Variants in SPOPL observed in about 807,000 individuals in gnomAD.
SPOPL encodes speckle-type POZ protein-like.
A neutral mutation model predicts 53.8 loss-of-function variants in SPOPL; 23 were observed. The ratio of observed to expected loss-of-function variants is 0.43; its 90% CI spans 0.31 to 0.61. The LOEUF (loss-of-function observed/expected upper bound fraction) is 0.61. Ranked by LOEUF, SPOPL falls within the 20% of genes least tolerant of loss-of-function variation. The probability of loss-of-function intolerance (pLI) is 0.12; values close to 1 mark genes in which losing one functional copy is unlikely to be tolerated. For synonymous variants in SPOPL, 164 were observed against 149.7 expected (o/e 1.10, Z -0.70); for missense variants, 442 against 466.9 (o/e 0.95, Z 0.49).
chr2:138,567,997 G>A (rs957429242), intron 10 of SPOPL, among the ~76,000 whole-genome samples: 6 of 152,100 alleles, frequency 3.9e-5, no homozygotes, highest in African/African-American at 9.7e-5. Flanking sequence ...GTAGGAAGTG[G>A]GGGGTAGAGT....
chr2:138,522,234 A>G (rs977978849), intron 1 of SPOPL, among the ~76,000 whole-genome samples: 6 of 152,196 alleles, frequency 3.9e-5, no homozygotes, highest in African/African-American at 1.4e-4. Flanking sequence ...CTTTAGGACC[A>G]CATGAAATTG....
At chr2:138,567,227 T>A (rs1277613963) in intron 10 of SPOPL, among the ~76,000 whole-genome samples, 1 of 152,038 alleles carries the variant, frequency 6.6e-6, no homozygotes, top group African/African-American at 2.4e-5. Flanking sequence ...AGACTTAACC[T>A]AATCTAGGAA....
chr2:138,566,291 A>G (rs980873384), intron 10 of SPOPL, among the ~76,000 whole-genome samples: 2 of 152,160 alleles, frequency 1.3e-5, no homozygotes, highest in Non-Finnish European at 2.9e-5. Flanking sequence ...AAAGTATACT[A>G]TATTAGCATC....
intron 1 of SPOPL, among the ~76,000 whole-genome samples, chr2:138,507,361 A>G (rs963859442): frequency 3.9e-5 from 6 of 152,218 alleles, no homozygotes; most frequent in Non-Finnish European, 8.8e-5. Context: ...CAGACACTGA[A>G]TGCTAGACTT....
intron 1 of SPOPL, among the ~76,000 whole-genome samples, chr2:138,535,213 A>C (rs1684901287): frequency 6.6e-6 from 1 of 152,210 alleles, no homozygotes; most frequent in South Asian, 2.1e-4. Context: ...ACATTTTAAA[A>C]ATTCATTTAT....
chr2:138,502,386 C>T (rs1684122096), intron 1 of SPOPL, among the ~76,000 whole-genome samples: 1 of 152,244 alleles, frequency 6.6e-6, no homozygotes, highest in South Asian at 2.1e-4. Context: ...CTCCACCTTC[C>T]AGGATCCCCT....
chr2:138,526,818 C>A (rs1458523227), intron 1 of SPOPL, among the ~76,000 whole-genome samples: 1 of 151,916 alleles, frequency 6.6e-6, no homozygotes, highest in Non-Finnish European at 1.5e-5. Flanking sequence ...CCTCCACCTC[C>A]TGGGTTCAAA....
intron 1 of SPOPL, among the ~76,000 whole-genome samples, chr2:138,543,141 T>C (rs547031496): frequency 3.3e-5 from 5 of 152,366 alleles, no homozygotes; most frequent in Admixed American, 2.6e-4. Flanking sequence ...GTGGGTAACC[T>C]GACCTTTCTC....
At chr2:138,526,485 T>C (rs534261654) in intron 1 of SPOPL, among the ~76,000 whole-genome samples, 18 of 152,290 alleles carry the variant, frequency 1.2e-4, no homozygotes, top group African/African-American at 4.3e-4. Context: ...AATTTTTATC[T>C]GTAATTTTTA....
chr2:138,548,239 C>CTTTTTTTTTTTTTTTT (rs34021497), intron 1 of SPOPL, among the ~76,000 whole-genome samples: 1 of 89,016 alleles, frequency 1.1e-5, no homozygotes, highest in Non-Finnish European at 2.3e-5. Context: ...TGAAGGTAAA[C>CTTTTTTTTTTTTTTTT]TTTTTTTTTT....
intron 1 of SPOPL, among the ~76,000 whole-genome samples, chr2:138,548,724 G>T (rs1205366763): frequency 6.6e-6 from 1 of 151,712 alleles, no homozygotes; most frequent in Non-Finnish European, 1.5e-5. Flanking sequence ...AGTTTTCTTT[G>T]TTTACTGTTT....
At chr2:138,524,172 A>G (rs1292290695) in intron 1 of SPOPL, among the ~76,000 whole-genome samples, 1 of 152,186 alleles carries the variant, frequency 6.6e-6, no homozygotes, top group Admixed American at 6.5e-5. Flanking sequence ...GCTCAACACC[A>G]CATGGAAGCT....
rs71301784 is a variant in SPOPL, at chr2:138,532,593, A to ATTT, written c.-60-17544_-60-17542dup. 7.2e-3 allele frequency among the ~76,000 whole-genome samples: 809 copies of ATTT among 111,790 alleles called. 31 individuals carry two copies. Among genetic ancestry groups the ATTT allele is most frequent in the African/African-American group, 0.023 (602 of 25,908 alleles). 73.3% of individuals were successfully genotyped at this position (111,790 alleles called of 152,430 possible). On this transcript the variant is annotated intron_variant, in intron 1 of 10. Transcript: ENST00000280098. ...AGGCGCCTACCACCACGCCCGGCTA[A>ATTT]TTTTTTTTTTTTTTTTTTTTTTGTA...
At chr2:138,513,831 A>C (rs1684381615) in intron 1 of SPOPL, among the ~76,000 whole-genome samples, 1 of 152,108 alleles carries the variant, frequency 6.6e-6, no homozygotes, top group South Asian at 2.1e-4. Context: ...AAAAAAATTA[A>C]TTAGCATGAG....
Position 138,541,529 on chromosome 2 carries a change from A to G in SPOPL, c.-60-8628A>G, listed in dbSNP as rs543505540. The stretch of plus-strand genomic sequence containing the variant: ...CTTCTAGATTTTCTAGTTTATTTGC[A>G]TAGAGGTGTTTATAGTCTCTGATGG... On this transcript the variant is annotated intron_variant, in intron 1 of 10. Coordinates refer to ENST00000280098, the MANE Select transcript of SPOPL (RefSeq NM_001001664.3). Among the ~76,000 whole-genome samples, 6 of 152,270 alleles carry G rather than the reference A, an allele frequency of 3.9e-5. No homozygotes were observed. In the South Asian group the frequency reaches 1.2e-3, roughly 32 times the overall value.
chr2:138,513,428 C>T (rs1185797462), intron 1 of SPOPL, among the ~76,000 whole-genome samples: 2 of 152,102 alleles, frequency 1.3e-5, no homozygotes, highest in Non-Finnish European at 2.9e-5. Flanking sequence ...TGGCACACAC[C>T]TGTAATCCCA....
intron 1 of SPOPL, among the ~76,000 whole-genome samples, chr2:138,503,851 A>G (rs557269619): frequency 1.2e-4 from 19 of 152,326 alleles, no homozygotes; most frequent in African/African-American, 4.3e-4. Flanking sequence ...TTTATCTTCA[A>G]TCACTACTCG....
chr2:138,525,273 T>C (rs1207534532), intron 1 of SPOPL, among the ~76,000 whole-genome samples: 1 of 152,130 alleles, frequency 6.6e-6, no homozygotes, highest in Non-Finnish European at 1.5e-5. Context: ...ACTCATTCAC[T>C]ATCATGAGAA....
chr2:138,558,040 A>T (rs201439190), intron 5 of SPOPL, among the ~76,000 whole-genome samples: 1 of 152,074 alleles, frequency 6.6e-6, no homozygotes, highest in Non-Finnish European at 1.5e-5. Flanking sequence ...CACACCTGTA[A>T]TCCCAGCTAC....
Sources: allele counts gnomAD v4.1 joint callset (sites outside exome capture counted in the v4.1 genomes callset), GRCh38; gene constraint gnomAD v4.1.1; transcripts MANE v1.5; gene names NCBI Gene and HGNC (gene_info 2026-07-23, HGNC 2026-07-21).